Variants in WDPCP observed in about 807,000 individuals in gnomAD.
The protein encoded by WDPCP is WD repeat-containing and planar cell polarity effector protein fritz homolog.
Under a neutral mutation model 93.1 loss-of-function variants are expected in WDPCP, and 71 were observed. The ratio of observed to expected loss-of-function variants is 0.76; its 90% CI spans 0.63 to 0.93. WDPCP has a LOEUF of 0.93. WDPCP is among the 40% of genes least tolerant of loss of function. The probability of loss-of-function intolerance (pLI) is 0.00; values close to 1 mark genes in which losing one functional copy is unlikely to be tolerated. For missense variants in WDPCP, 844 were observed against 887.4 expected, an observed-to-expected ratio of 0.95 and a Z score of 0.62; for synonymous variants, 315 against 315.0, an observed-to-expected ratio of 1.00 and a Z score of 0.00.
chr2:63,717,407 G>T, intron 2 of WDPCP: 1 of 406,968 alleles, frequency 2.5e-6, no homozygotes, highest in Non-Finnish European at 4.7e-6. Context: ...GTTTTTTTAA[G>T]GTCATGGTAT....
intron 1 of WDPCP, among the ~76,000 whole-genome samples, chr2:63,552,107 CAATA>C: frequency 5.4e-5 from 1 of 18,542 alleles, no homozygotes; most frequent in South Asian, 2.2e-3. Context: ...TTCTTTAAAA[CAATA>C]TTTTATATTC....
At chr2:63,548,070 A>G (rs1368115789) in intron 1 of WDPCP, among the ~76,000 whole-genome samples, 3 of 152,106 alleles carry the variant, frequency 2.0e-5, no homozygotes, top group Non-Finnish European at 4.4e-5. Context: ...AATAAAAAAT[A>G]TTAATGAAAA....
intron 17 of WDPCP, 110 bp downstream of exon 17, chr2:63,152,790 TAGTTAATGTAGTCC>T: frequency 1.2e-6 from 1 of 831,888 alleles, no homozygotes; most frequent in East Asian, 2.6e-5. Flanking sequence ...CCAGTTAATC[TAGTTAATGTAGTCC>T]AGTTAATGTA....
intron 12 of WDPCP, among the ~76,000 whole-genome samples, chr2:63,335,449 G>A (rs1356032144): frequency 1.3e-5 from 2 of 149,860 alleles, no homozygotes; most frequent in Non-Finnish European, 3.0e-5. Flanking sequence ...TTGAGACAGG[G>A]TGTAGGCTCT....
chr2:63,128,679 C>A (rs750401039), intron 17 of WDPCP, among the ~76,000 whole-genome samples: 5 of 151,984 alleles, frequency 3.3e-5, no homozygotes, highest in Non-Finnish European at 5.9e-5. Flanking sequence ...CACTGTTCTA[C>A]TTATTTGAGA....
chr2:63,567,137 G>A (rs145367162), intron 1 of WDPCP, among the ~76,000 whole-genome samples: 35 of 152,266 alleles, frequency 2.3e-4, no homozygotes, highest in Admixed American at 1.0e-3. Flanking sequence ...ATTTAGTGGC[G>A]TTAAAGGTTT....
intron 2 of WDPCP, chr2:63,751,907 C>T (rs1166616580): frequency 8.7e-6 from 6 of 686,226 alleles, no homozygotes; most frequent in Non-Finnish European, 1.6e-5. Context: ...TCACCAAATC[C>T]ATTATAGCCA....
At chr2:63,633,560 A>G (rs974613254) in intron 3 of WDPCP, among the ~76,000 whole-genome samples, 11 of 152,190 alleles carry the variant, frequency 7.2e-5, no homozygotes, top group African/African-American at 2.4e-4. Context: ...TGGAAGCCGC[A>G]TGGTAACAAC....
rs60202196 is a variant in WDPCP, at chr2:63,504,324, T to TTGTGTGTGTGTG, written c.76-11396_76-11385dup. ...GAGCCTTCTGAAATTACGTACTAAA[T>TTGTGTGTGTGTG]TGTGTGTGTGTGTGTGTGTGTGTGT... is the stretch of plus-strand genomic sequence containing the variant. On this transcript the variant is annotated intron_variant, in intron 1 of 17. Coordinates refer to ENST00000272321, the MANE Select transcript of WDPCP (RefSeq NM_015910.7). 1.8e-3 allele frequency among the ~76,000 whole-genome samples: 248 copies of TTGTGTGTGTGTG among 138,110 alleles called. 1 individual carries two copies. Among genetic ancestry groups the TTGTGTGTGTGTG allele is most frequent in the Middle Eastern group, 3.5e-3 (1 of 286 alleles). The allele number at this position is 138,110 out of a possible 152,430, so 90.6% of individuals were successfully genotyped here.
intron 12 of WDPCP, among the ~76,000 whole-genome samples, chr2:63,353,985 A>G (rs1689822373): frequency 6.6e-6 from 1 of 152,204 alleles, no homozygotes; most frequent in Non-Finnish European, 1.5e-5. Flanking sequence ...CTATTGAGCC[A>G]GTAGCAAGTC....
At chr2:63,201,555 C>G (rs1675913222) in intron 14 of WDPCP, among the ~76,000 whole-genome samples, 1 of 152,128 alleles carries the variant, frequency 6.6e-6, no homozygotes, top group Admixed American at 6.6e-5. Context: ...TTTATAATAT[C>G]AATTTTGACA....
chr2:63,437,073 G>C (rs1345170331), intron 8 of WDPCP, among the ~76,000 whole-genome samples: 2 of 151,944 alleles, frequency 1.3e-5, no homozygotes, highest in Non-Finnish European at 2.9e-5. Context: ...TCCTACCCTA[G>C]AAAGATGATA....
chr2:63,682,189 T>A (rs1668719851), intron 2 of WDPCP, among the ~76,000 whole-genome samples: 1 of 152,010 alleles, frequency 6.6e-6, no homozygotes, highest in Non-Finnish European at 1.5e-5. Flanking sequence ...ATGAACAAAA[T>A]AAGGTACCAG....
At chr2:63,789,153 A>G (rs13432712) in intron 2 of WDPCP, among the ~76,000 whole-genome samples, 1 of 152,248 alleles carries the variant, frequency 6.6e-6, no homozygotes, top group Non-Finnish European at 1.5e-5. Context: ...ATAGAAAAAT[A>G]TAACAGAGAT....
At chr2:63,691,698 G>A (rs922924037) in intron 2 of WDPCP, among the ~76,000 whole-genome samples, 3 of 152,122 alleles carry the variant, frequency 2.0e-5, no homozygotes, top group Non-Finnish European at 4.4e-5. Flanking sequence ...GAAACCAGCT[G>A]AGACTGTAAA....
chr2:63,447,501 A>G (rs1226526821), intron 6 of WDPCP, among the ~76,000 whole-genome samples: 3 of 152,162 alleles, frequency 2.0e-5, no homozygotes, highest in Admixed American at 6.5e-5. Context: ...AAGTCGGAAT[A>G]CTGAAAATGC....
At chr2:63,629,007 G>A (rs1200535341) in intron 3 of WDPCP, among the ~76,000 whole-genome samples, 3 of 152,196 alleles carry the variant, frequency 2.0e-5, no homozygotes, top group Non-Finnish European at 4.4e-5. Flanking sequence ...TTCTAGAAAG[G>A]TAGAGTAGAC....
chr2:63,471,614 CTCT>C (rs1206517937), intron 6 of WDPCP, among the ~76,000 whole-genome samples: 1 of 152,162 alleles, frequency 6.6e-6, no homozygotes, highest in East Asian at 1.9e-4. Context: ...TTTACCATAT[CTCT>C]TATTATCTCT....
At chr2:63,248,191 T>A (rs1440507530) in intron 14 of WDPCP, among the ~76,000 whole-genome samples, 1 of 152,192 alleles carries the variant, frequency 6.6e-6, no homozygotes. Flanking sequence ...AAAATTATAA[T>A]AATACTGATT....
Sources: allele counts gnomAD v4.1 joint callset (sites outside exome capture counted in the v4.1 genomes callset), GRCh38; gene constraint gnomAD v4.1.1; transcripts MANE v1.5; gene names NCBI Gene and HGNC (gene_info 2026-07-23, HGNC 2026-07-21).